NFASC: variants seen among roughly 807,000 people sequenced by gnomAD.
The protein encoded by NFASC is neurofascin homolog.
In NFASC, 43 loss-of-function variants were observed where a neutral mutation model predicts 147.5. That is an observed-to-expected ratio of 0.29 (90% confidence interval 0.23 to 0.38). The LOEUF (loss-of-function observed/expected upper bound fraction) is 0.38. NFASC is among the 10% of genes least tolerant of loss of function. The pLI is 1.00. For missense variants in NFASC, 1,320 were observed against 1,689.0 expected, an observed-to-expected ratio of 0.78 and a Z score of 3.83; for synonymous variants, 622 against 665.5, an observed-to-expected ratio of 0.93 and a Z score of 1.01.
intron 3 of NFASC, among the ~76,000 whole-genome samples, chr1:204,948,422 G>A (rs1472513866): frequency 6.6e-6 from 1 of 152,148 alleles, no homozygotes; most frequent in African/African-American, 2.4e-5. Context: ...CTGATAGTAT[G>A]GGGGCTGGGG....
chr1:205,002,357 C>A (rs6697344), intron 26 of NFASC, among the ~76,000 whole-genome samples: 34,762 of 152,078 alleles, frequency 0.23, 4,153 homozygotes, highest in South Asian at 0.31. Flanking sequence ...GTGAGGAAAG[C>A]GAACTTCAGG....
rs1466561840 is a variant in NFASC at position 205,020,495 on chromosome 1, T to A, written c.*3956T>A. ...GGATGAGGAACGCACCTTAGAGGAGTGGGAAAGGCCACCAGGGTTGGGCCC... is the reference window on the plus strand; with the variant it reads ...GGATGAGGAACGCACCTTAGAGGAGAGGGAAAGGCCACCAGGGTTGGGCCC... On this transcript the variant is annotated 3_prime_UTR_variant, in exon 30 of 30. Transcript: ENST00000339876. 1 of 151,376 alleles carries A rather than the reference T, an allele frequency of 6.6e-6. No individual in the cohort carries two copies. The highest frequency in any genetic ancestry group is 1.9e-4 in the East Asian group (1 of 5,150). The allele number at this position is 151,376 out of a possible 1,614,324, so 9.4% of individuals were successfully genotyped here.
At chr1:204,864,548 T>C (rs1263033583) in intron 1 of NFASC, among the ~76,000 whole-genome samples, 1 of 152,240 alleles carries the variant, frequency 6.6e-6, no homozygotes, top group African/African-American at 2.4e-5. Context: ...ATTTTATTGA[T>C]TATAGCCATC....
chr1:204,968,235 C>T lies in NFASC; in HGVS notation c.707-14C>T. On this transcript the variant is annotated splice_polypyrimidine_tract_variant and intron_variant, in intron 8 of 29. Coordinates refer to ENST00000339876, the MANE Select transcript of NFASC (RefSeq NM_001005388.3). The surrounding 1 kb of genome is among the most constrained non-coding windows in gnomAD (Gnocchi z 5.4). ...GGAAGGAGGCTCATGGGAGTTTGTT[C>T]TCTCCTGTTTCAGCCCGAGGAGTTG... is the stretch of plus-strand genomic sequence containing the variant. 1 of 1,603,964 alleles carries T rather than the reference C, an allele frequency of 6.2e-7. No individual in the cohort carries two copies. Among genetic ancestry groups the T allele is most frequent in the Non-Finnish European group, 8.5e-7 (1 of 1,170,714 alleles).
At chr1:204,931,983 A>C (rs12722894) in intron 2 of NFASC, among the ~76,000 whole-genome samples, 1 of 152,146 alleles carries the variant, frequency 6.6e-6, no homozygotes, top group Non-Finnish European at 1.5e-5. Flanking sequence ...ATCTGGAAGA[A>C]GGCAAGTGAA....
chr1:204,876,478 A>T (rs553514207), intron 1 of NFASC, among the ~76,000 whole-genome samples: 46 of 152,312 alleles, frequency 3.0e-4, no homozygotes, highest in African/African-American at 1.1e-3. Flanking sequence ...TATTTTAACT[A>T]TTTTTAAATG....
intron 1 of NFASC, among the ~76,000 whole-genome samples, chr1:204,907,393 C>G (rs2149280032): frequency 6.6e-6 from 1 of 152,292 alleles, no homozygotes. Context: ...TTCTTTCAAT[C>G]TGGGGCTTGT....
chr1:204,991,128 A>G (rs1237979397), intron 23 of NFASC, among the ~76,000 whole-genome samples, 164 bp from the exon 24 acceptor site: 1 of 152,264 alleles, frequency 6.6e-6, no homozygotes, highest in Admixed American at 6.5e-5. Flanking sequence ...GCCAGTTGGC[A>G]TCCTCAGGCC....
At chr1:204,980,467 A>G (rs748243016) in intron 20 of NFASC, 27 bp downstream of exon 20, 1 of 1,574,308 alleles carries the variant, frequency 6.4e-7, no homozygotes, top group South Asian at 1.1e-5. Flanking sequence ...GCCCCAGTGG[A>G]GCAGCTCACC....
rs1007773554 is a variant in NFASC, at chr1:204,828,746, C to T, written c.-236C>T. ...GTGGCGGCGCCGGCAGCGGACAGCT[C>T]GGACAGCGCCCAGGGCCGGAGCCCG... is the stretch of plus-strand genomic sequence containing the variant. On this transcript the variant is annotated 5_prime_UTR_variant, in exon 1 of 30. Transcript: ENST00000339876. 28 of 985,828 alleles carry T rather than the reference C, an allele frequency of 2.8e-5. No individual in the cohort carries two copies. Among genetic ancestry groups the T allele is most frequent in the Admixed American group, 1.2e-4 (2 of 16,264 alleles). The allele number at this position is 985,828 out of a possible 1,614,324, so 61.1% of individuals were successfully genotyped here.
chr1:204,870,330 T>C (rs1211982783), intron 1 of NFASC, among the ~76,000 whole-genome samples: 1 of 152,172 alleles, frequency 6.6e-6, no homozygotes, highest in East Asian at 1.9e-4. Context: ...GAGCCATTGT[T>C]CTGTGCGGGA....
chr1:204,974,069 C>A, intron 12 of NFASC, 110 bp from the exon 13 acceptor site: 1 of 795,746 alleles, frequency 1.3e-6, no homozygotes, highest in Non-Finnish European at 2.1e-6. Context: ...GAAGGTGTCT[C>A]AGTGCCTGGG....
chr1:204,839,417 A>G (rs968277128), intron 1 of NFASC, among the ~76,000 whole-genome samples: 1 of 137,238 alleles, frequency 7.3e-6, no homozygotes, highest in Non-Finnish European at 1.6e-5. Flanking sequence ...ACACACACAC[A>G]CGATAGGGAA....
intron 1 of NFASC, among the ~76,000 whole-genome samples, chr1:204,909,352 A>G (rs2086795178): frequency 6.6e-6 from 1 of 151,984 alleles, no homozygotes; most frequent in South Asian, 2.1e-4. Flanking sequence ...CCAGTGGCTG[A>G]TGATGTTGAA....
chr1:205,000,009 C>T (rs753147716), intron 25 of NFASC: 3 of 151,952 alleles, frequency 2.0e-5, no homozygotes, highest in East Asian at 1.9e-4. Flanking sequence ...AAAATGATTA[C>T]GTTTGAAGAT....
chr1:204,918,817 C>A (rs945800716), intron 1 of NFASC, among the ~76,000 whole-genome samples: 11 of 152,174 alleles, frequency 7.2e-5, no homozygotes, highest in Non-Finnish European at 1.3e-4. Flanking sequence ...AACTCCTGAC[C>A]TCAAGTGATC....
chr1:204,871,023 A>G, intron 1 of NFASC: 2 of 1,289,734 alleles, frequency 1.6e-6, no homozygotes, highest in Non-Finnish European at 2.0e-6. Flanking sequence ...ATGGAGGGAG[A>G]CTGAGAAGAC....
intron 2 of NFASC, among the ~76,000 whole-genome samples, chr1:204,922,086 C>T (rs375029515): frequency 1.6e-4 from 24 of 152,248 alleles, no homozygotes; most frequent in African/African-American, 5.3e-4. Context: ...ATTGCAAAAG[C>T]GGTGTACCCA....
intron 1 of NFASC, among the ~76,000 whole-genome samples, chr1:204,903,878 G>A (rs183787529): frequency 3.5e-4 from 53 of 152,220 alleles, no homozygotes; most frequent in African/African-American, 8.4e-4. Flanking sequence ...TCTCTGTGTC[G>A]TTTGCTTATC....
Sources: gnomAD v4.1 joint callset for allele counts (sites outside exome capture counted in the v4.1 genomes callset) on GRCh38, gnomAD v4.1.1 for gene constraint, Gnocchi (gnomAD v3.1) non-coding constraint, MANE v1.5 for transcripts, NCBI Gene and HGNC (gene_info 2026-07-23, HGNC 2026-07-21) for gene names.